Variants in PEAK1 observed in about 807,000 individuals in gnomAD.
PEAK1 encodes pseudopodium enriched atypical kinase 1.
Under a neutral mutation model 124.7 loss-of-function variants are expected in PEAK1, and 54 were observed. The ratio of observed to expected loss-of-function variants is 0.43; its 90% CI spans 0.35 to 0.54. The LOEUF is 0.54. Ranked by LOEUF, PEAK1 falls within the 20% of genes least tolerant of loss-of-function variation. The probability of loss-of-function intolerance (pLI) is 0.01; values close to 1 mark genes in which losing one functional copy is unlikely to be tolerated. For synonymous variants in PEAK1, 719 were observed against 760.0 expected (o/e 0.95, Z 0.89); for missense variants, 2,046 against 2,134.5 (o/e 0.96, Z 0.82).
chr15:77,383,561 C>T (rs1297054406), intron 1 of PEAK1, among the ~76,000 whole-genome samples: 1 of 152,180 alleles, frequency 6.6e-6, no homozygotes, highest in Non-Finnish European at 1.5e-5. Flanking sequence ...CATCCTTATG[C>T]TATCGGTGTG....
intron 2 of PEAK1, chr15:77,334,211 C>T (rs189742730): frequency 1.3e-4 from 126 of 983,322 alleles, no homozygotes; most frequent in African/African-American, 3.7e-4. Context: ...TACATTTAGA[C>T]GTAACTAACC....
rs760941244 is a variant in PEAK1, at chr15:77,114,667, A to C, written c.4730T>G (p.Leu1577Arg). ...GGTAGCTGTTATGATCTCTGGGGCAAGGCGAGACTGGTCCCGGAGGATCTC... is the reference window on the plus strand; with the variant it reads ...GGTAGCTGTTATGATCTCTGGGGCACGGCGAGACTGGTCCCGGAGGATCTC... ...DPEILRDQSR[L>R]APEIITATQY... The change falls in exon 10 of 10, where the codon CTT becomes CGT. Residue 1577 changes from leucine (L) to arginine (R), a missense_variant. Leu to Arg is a moderately radical substitution (Grantham distance 102). Transcript: ENST00000682557. 3 of 1,613,550 alleles carry C rather than the reference A, an allele frequency of 1.9e-6. No homozygotes were observed. Among genetic ancestry groups the C allele is most frequent in the Non-Finnish European group, 2.5e-6 (3 of 1,179,886 alleles).
intron 2 of PEAK1, chr15:77,349,617 T>A: frequency 6.1e-6 from 6 of 984,936 alleles, no homozygotes; most frequent in Non-Finnish European, 7.2e-6. Flanking sequence ...ACTGAATCCA[T>A]GTTTCTATCA....
intron 6 of PEAK1, among the ~76,000 whole-genome samples, chr15:77,223,114 C>A (rs982568409): frequency 6.6e-6 from 1 of 152,016 alleles, no homozygotes; most frequent in Non-Finnish European, 1.5e-5. Context: ...ACGGCCAAAA[C>A]TGGTCTAAAG....
At chr15:77,398,934 A>C (rs1321072860) in intron 1 of PEAK1, among the ~76,000 whole-genome samples, 2 of 152,210 alleles carry the variant, frequency 1.3e-5, no homozygotes, top group African/African-American at 2.4e-5. Flanking sequence ...AAACCAACAT[A>C]CAAAAAAAAG....
chr15:77,108,804 A>C lies in PEAK1; in HGVS notation c.*5352T>G, dbSNP rs1379932772. The C allele has an allele frequency of 6.6e-6, 1 of 152,172 alleles. No homozygotes were observed. The highest frequency in any genetic ancestry group is 1.5e-5 in the Non-Finnish European group (1 of 68,030). The allele number at this position is 152,172 out of a possible 1,614,324, so 9.4% of individuals were successfully genotyped here. ...AAACTTTCTTGATTTAAAAAACAAA[A>C]CCAAACCAAACCAAACCATGGGGGT... On this transcript the variant is annotated 3_prime_UTR_variant, in exon 10 of 10. Coordinates refer to ENST00000682557, the MANE Select transcript of PEAK1 (RefSeq NM_001385026.1).
intron 5 of PEAK1, among the ~76,000 whole-genome samples, chr15:77,273,202 G>T (rs781073634): frequency 6.6e-6 from 1 of 152,114 alleles, no homozygotes; most frequent in South Asian, 2.1e-4. Flanking sequence ...CTGAAAACTG[G>T]AACAGGACAA....
At chr15:77,278,662 G>C in intron 5 of PEAK1, 1 of 522,478 alleles carries the variant, frequency 1.9e-6, no homozygotes, top group Non-Finnish European at 3.8e-6. Flanking sequence ...GCAAGGAGGG[G>C]AATAAGCCTG....
chr15:77,271,585 G>T lies in PEAK1; in HGVS notation c.-275+12298C>A, dbSNP rs189938864. Among the ~76,000 whole-genome samples, 956 of 152,240 alleles carry T rather than the reference G, an allele frequency of 6.3e-3. 12 individuals carry two copies. Among genetic ancestry groups the T allele is most frequent in the African/African-American group, 0.022 (906 of 41,546 alleles). Reference sequence around the variant, plus strand: ...GAAAATGTGGCACATATACACCATGGAATACTATGCAGCCATAAAAAAAGG... The same window carrying T: ...GAAAATGTGGCACATATACACCATGTAATACTATGCAGCCATAAAAAAAGG... On this transcript the variant is annotated intron_variant, in intron 5 of 9. Transcript: ENST00000682557.
chr15:77,139,450 G>A (rs2053597954), intron 8 of PEAK1, among the ~76,000 whole-genome samples: 1 of 152,068 alleles, frequency 6.6e-6, no homozygotes, highest in Non-Finnish European at 1.5e-5. Flanking sequence ...TTTATGACTG[G>A]CAGTGCAGTA....
intron 6 of PEAK1, among the ~76,000 whole-genome samples, chr15:77,218,758 T>C (rs543384762): frequency 2.0e-4 from 31 of 152,228 alleles, no homozygotes; most frequent in African/African-American, 7.2e-4. Flanking sequence ...ATATTTTGCA[T>C]TATTTTTTTT....
intron 8 of PEAK1, among the ~76,000 whole-genome samples, chr15:77,143,152 C>A (rs1305407532): frequency 6.6e-6 from 1 of 152,136 alleles, no homozygotes; most frequent in East Asian, 1.9e-4. Context: ...GCTGCCCCAG[C>A]CCTATTTTCT....
intron 1 of PEAK1, among the ~76,000 whole-genome samples, chr15:77,392,340 G>A (rs1000266872): frequency 2.0e-4 from 31 of 152,146 alleles, no homozygotes; most frequent in African/African-American, 7.5e-4. Flanking sequence ...GATAATCTAT[G>A]TGAAAAAAGA....
Position 77,111,697 on chromosome 15 carries a change from A to C in PEAK1, c.*2459T>G, listed in dbSNP as rs2050983792. 1 of 152,284 alleles carries C rather than the reference A, an allele frequency of 6.6e-6. No individual in the cohort carries two copies. Among genetic ancestry groups the C allele is most frequent in the East Asian group, 1.9e-4 (1 of 5,190 alleles). The allele number at this position is 152,284 out of a possible 1,614,324, so 9.4% of individuals were successfully genotyped here. A position where few individuals can be genotyped will look rare whatever the true frequency, so the allele number is the denominator to read the frequency against. On this transcript the variant is annotated 3_prime_UTR_variant, in exon 10 of 10. Coordinates refer to ENST00000682557, the MANE Select transcript of PEAK1 (RefSeq NM_001385026.1). ...ATTATACCATAGAGTTAAAGTGAAG[A>C]CTGGATCCAAATCATAACAGAAAAA...
chr15:77,168,200 C>T lies in PEAK1; in HGVS notation c.3138-9504G>A, dbSNP rs193062350. On this transcript the variant is annotated intron_variant, in intron 7 of 9. Transcript: ENST00000682557. ...TAAGAAGTGCTGGGATTTTCATTTTCCATGCCATATGTACATGCACATATG... is the reference window on the plus strand; with the variant it reads ...TAAGAAGTGCTGGGATTTTCATTTTTCATGCCATATGTACATGCACATATG... 3.9e-3 allele frequency among the ~76,000 whole-genome samples: 592 copies of T among 151,540 alleles called. 4 individuals carry two copies. Among genetic ancestry groups the T allele is most frequent in the African/African-American group, 0.014 (567 of 41,276 alleles).
At chr15:77,374,395 T>C (rs2068854961) in intron 1 of PEAK1, among the ~76,000 whole-genome samples, 1 of 152,180 alleles carries the variant, frequency 6.6e-6, no homozygotes, top group Non-Finnish European at 1.5e-5. Context: ...AGTTTATCTT[T>C]ATAATTTAAT....
At chr15:77,176,082 T>A (rs1461505447) in intron 7 of PEAK1, among the ~76,000 whole-genome samples, 1 of 150,654 alleles carries the variant, frequency 6.6e-6, no homozygotes, top group Non-Finnish European at 1.5e-5. Flanking sequence ...AAGGGGAACA[T>A]CACACTCTGT....
At chr15:77,384,439 A>G (rs1204772148) in intron 1 of PEAK1, among the ~76,000 whole-genome samples, 1 of 152,218 alleles carries the variant, frequency 6.6e-6, no homozygotes, top group African/African-American at 2.4e-5. Context: ...ATGGTATTGC[A>G]CTTTCCATTT....
intron 7 of PEAK1, among the ~76,000 whole-genome samples, chr15:77,172,669 G>A (rs529313267): frequency 9.9e-5 from 15 of 152,142 alleles, no homozygotes; most frequent in Non-Finnish European, 2.2e-4. Context: ...TTGTTACACA[G>A]CAGAAGTATT....
Sources: gnomAD v4.1 joint callset for allele counts (sites outside exome capture counted in the v4.1 genomes callset) on GRCh38, gnomAD v4.1.1 for gene constraint, MANE v1.5 for transcripts, NCBI Gene and HGNC (gene_info 2026-07-23, HGNC 2026-07-21) for gene names.